The following UTRN variants were observed in gnomAD, a reference collection of about 807,000 sequenced individuals.
UTRN encodes the protein dystrophin-related protein 1.
UTRN carries 283 observed loss-of-function variants against 463.9 expected under a neutral mutation model. The observed-to-expected ratio is 0.61, with a 90% CI of 0.55 to 0.67. The LOEUF (loss-of-function observed/expected upper bound fraction) is 0.67. Ranked by LOEUF, UTRN falls within the 30% of genes least tolerant of loss-of-function variation. The pLI is 0.00. For synonymous variants in UTRN, 1,442 were observed against 1,431.5 expected (o/e 1.01, Z -0.17); for missense variants, 3,922 against 4,084.3 (o/e 0.96, Z 1.08).
chr6:144,758,054 G>GCTT, intron 58 of UTRN, 65 bp downstream of exon 58: 1 of 1,412,596 alleles, frequency 7.1e-7, no homozygotes. Context: ...AACTTAAGAG[G>GCTT]CTTCTCTCCC....
intron 71 of UTRN, among the ~76,000 whole-genome samples, chr6:144,837,559 C>G (rs1472111360): frequency 1.3e-5 from 2 of 152,222 alleles, no homozygotes; most frequent in African/African-American, 4.8e-5. Flanking sequence ...GTCTTTTTCT[C>G]TAGCCTGTGC....
At chr6:144,585,369 T>C (rs1434414875) in intron 51 of UTRN, among the ~76,000 whole-genome samples, 2 of 152,150 alleles carry the variant, frequency 1.3e-5, no homozygotes, top group Non-Finnish European at 2.9e-5. Flanking sequence ...AATTAACAAC[T>C]GCCTGATTAA....
intron 59 of UTRN, among the ~76,000 whole-genome samples, chr6:144,772,771 T>G (rs1316608374): frequency 6.6e-6 from 1 of 152,158 alleles, no homozygotes; most frequent in Non-Finnish European, 1.5e-5. Context: ...AGAATTCCGG[T>G]TTTGTTTTAA....
rs759347385 is a variant in UTRN, at chr6:144,491,107, G to A, written c.4437+5G>A. On this transcript the variant is annotated splice_donor_5th_base_variant and intron_variant, in intron 32 of 74. Coordinates refer to ENST00000367545, the MANE Select transcript of UTRN (RefSeq NM_007124.3). ...ACGCACCTGGACAAGTGTATGGTGA[G>A]GCTTTTGGGTGATTGGCACATCCAG... 5.7e-6 allele frequency: 9 copies of A among 1,588,216 alleles called. No individual in the cohort carries two copies. In the Admixed American group the frequency reaches 1.6e-4, roughly 29 times the overall value.
intron 72 of UTRN, among the ~76,000 whole-genome samples, chr6:144,839,780 A>G (rs1412426945): frequency 6.6e-6 from 1 of 152,182 alleles, no homozygotes; most frequent in African/African-American, 2.4e-5. Context: ...CTTGGTCACA[A>G]TGGGGACCTG....
In UTRN at chr6:144,522,034, T is replaced by G; in HGVS notation, c.5596T>G (p.Ser1866Ala). Residue 1866 changes from serine to alanine, a missense_variant, in exon 40 of 75, where the codon TCA (serine) becomes GCA (alanine). Around this residue, in one of 3 missense-constraint regions of UTRN, gnomAD observed 2,349 missense variants for 2,303.8 expected, o/e 1.02. Transcript: ENST00000367545. ...MGQLASGIRS[S>A]LLPTDYLVEI... The stretch of plus-strand genomic sequence containing the variant: ...TCAACTTGCTTCTGGAATTAGATCA[T>G]CACTTCTTCCTACAGATTATCTGGT... 4 of 1,587,416 alleles carry G rather than the reference T, an allele frequency of 2.5e-6. No individual in the cohort carries two copies. The highest frequency in any genetic ancestry group is 3.4e-6 in the Non-Finnish European group (4 of 1,169,094).
At chr6:144,508,396 C>T (rs1794873628) in intron 34 of UTRN, among the ~76,000 whole-genome samples, 1 of 152,212 alleles carries the variant, frequency 6.6e-6, no homozygotes, top group South Asian at 2.1e-4. Flanking sequence ...CTGAGGGAAT[C>T]TCCGGGTCTG....
At chr6:144,488,027 C>T (rs1792649191) in intron 29 of UTRN, among the ~76,000 whole-genome samples, 1 of 152,160 alleles carries the variant, frequency 6.6e-6, no homozygotes, top group Non-Finnish European at 1.5e-5. Context: ...TGATATTTCA[C>T]ATAAGCTGCT....
At chr6:144,382,591 T>C (rs1396484135) in intron 2 of UTRN, among the ~76,000 whole-genome samples, 2 of 152,242 alleles carry the variant, frequency 1.3e-5, no homozygotes, top group Non-Finnish European at 2.9e-5. Context: ...TTAATTCTCA[T>C]AACAATTGTT....
At chr6:144,368,483 C>T (rs890148487) in intron 2 of UTRN, among the ~76,000 whole-genome samples, 2 of 152,042 alleles carry the variant, frequency 1.3e-5, no homozygotes, top group Non-Finnish European at 2.9e-5. Context: ...AAGGAATATA[C>T]ATGATAAGCA....
chr6:144,463,770 A>C (rs1329865953), intron 23 of UTRN, among the ~76,000 whole-genome samples: 2 of 151,910 alleles, frequency 1.3e-5, no homozygotes, highest in Non-Finnish European at 2.9e-5. Context: ...TGAAATTAGC[A>C]ATAGGAGATT....
At chr6:144,598,734 G>A (rs1270800684) in intron 51 of UTRN, among the ~76,000 whole-genome samples, 7 of 152,250 alleles carry the variant, frequency 4.6e-5, no homozygotes, top group South Asian at 2.1e-4. Flanking sequence ...TCATAAGGTC[G>A]CTGTATTAAT....
intron 30 of UTRN, among the ~76,000 whole-genome samples, chr6:144,489,691 G>A (rs1307861764): frequency 5.9e-5 from 9 of 151,790 alleles, no homozygotes; most frequent in Non-Finnish European, 1.0e-4. Flanking sequence ...GCGCGATCTC[G>A]GCTCACTGCA....
chr6:144,469,441 T>C (rs1460048002), intron 23 of UTRN, among the ~76,000 whole-genome samples: 1 of 152,192 alleles, frequency 6.6e-6, no homozygotes, highest in Non-Finnish European at 1.5e-5. Flanking sequence ...ATGATTCCAG[T>C]TTCACAATGA....
chr6:144,727,405 G>C (rs1188641289), intron 53 of UTRN, among the ~76,000 whole-genome samples: 2 of 152,056 alleles, frequency 1.3e-5, no homozygotes, highest in Non-Finnish European at 2.9e-5. Flanking sequence ...TACATTCCTG[G>C]AACTTCCCCT....
At chr6:144,660,067 CGCT>C in intron 51 of UTRN, 1 of 365,654 alleles carries the variant, frequency 2.7e-6, no homozygotes, top group Admixed American at 3.7e-5. Context: ...CGCAAGCTGC[CGCT>C]GCTGCTGATG....
rs138824886 is a variant in UTRN at position 144,805,915 on chromosome 6, G to T, written c.9357+2768G>T. Among the ~76,000 whole-genome samples the T allele has an allele frequency of 9.9e-5, 15 of 152,174 alleles. No individual in the cohort carries two copies. The East Asian group carries it at 2.9e-3, about 29-fold the overall frequency. On this transcript the variant is annotated intron_variant, in intron 65 of 74. Transcript: ENST00000367545. ...GTAGGAGATGGAATTAAAAAGAAAG[G>T]CAACTATCAGATTGTATAGAACCCT...
intron 2 of UTRN, among the ~76,000 whole-genome samples, chr6:144,359,876 T>C (rs1305125749): frequency 1.3e-5 from 2 of 152,186 alleles, no homozygotes; most frequent in Admixed American, 6.5e-5. Context: ...ATTGTGTTTT[T>C]CCCAGTGTTG....
intron 53 of UTRN, among the ~76,000 whole-genome samples, chr6:144,701,906 T>A (rs1457032113): frequency 2.0e-5 from 3 of 152,064 alleles, no homozygotes; most frequent in Non-Finnish European, 4.4e-5. Context: ...AGCTCCAAGA[T>A]AAGAAAAAGG....
Sources: allele counts gnomAD v4.1 joint callset (sites outside exome capture counted in the v4.1 genomes callset), GRCh38; gene constraint gnomAD v4.1.1; regional missense constraint gnomAD v4.1.1; transcripts MANE v1.5; gene names NCBI Gene and HGNC (gene_info 2026-07-23, HGNC 2026-07-21).